The following LRRC4C variants were observed in gnomAD, a reference collection of about 807,000 sequenced individuals.
LRRC4C encodes leucine-rich repeat-containing protein 4C.
A neutral mutation model predicts 33.6 loss-of-function variants in LRRC4C; 5 were observed. That is an observed-to-expected ratio of 0.15 (90% CI 0.08 to 0.31). The LOEUF is 0.31. Among genes scored for constraint, LRRC4C ranks in the 10% least tolerant of loss-of-function variants. The pLI, the probability that LRRC4C is intolerant of heterozygous loss-of-function variation, is 1.00. For synonymous variants in LRRC4C, 329 were observed against 302.0 expected, an observed-to-expected ratio of 1.09 and a Z score of -0.93; for missense variants, 560 against 796.7, an observed-to-expected ratio of 0.70 and a Z score of 3.58.
intron 5 of LRRC4C, among the ~76,000 whole-genome samples, chr11:40,232,715 A>T (rs554838648): frequency 6.6e-6 from 1 of 152,342 alleles, no homozygotes; most frequent in South Asian, 2.1e-4. Flanking sequence ...AAAATTTTCC[A>T]AGTTCATGAA....
intron 1 of LRRC4C, among the ~76,000 whole-genome samples, chr11:41,431,375 G>A (rs1217902753): frequency 6.6e-6 from 1 of 151,836 alleles, no homozygotes; most frequent in Non-Finnish European, 1.5e-5. Context: ...AAGAGATGGA[G>A]AAAGAGATCT....
At chr11:41,022,142 T>TATATATATA (rs1565309607) in intron 1 of LRRC4C, among the ~76,000 whole-genome samples, 3 of 139,080 alleles carry the variant, frequency 2.2e-5, no homozygotes, top group African/African-American at 8.2e-5. Flanking sequence ...CAATTTTGTT[T>TATATATATA]TATATATATA....
chr11:41,004,448 G>A (rs1854593190), intron 1 of LRRC4C, among the ~76,000 whole-genome samples: 1 of 152,096 alleles, frequency 6.6e-6, no homozygotes, highest in African/African-American at 2.4e-5. Flanking sequence ...ATGAGAAAGG[G>A]TTAAAATTTC....
chr11:41,459,460 G>A lies in LRRC4C; in HGVS notation c.-525C>T, dbSNP rs1368102418. 1 of 151,926 alleles carries A rather than the reference G, an allele frequency of 6.6e-6. No individual in the cohort carries two copies. Among genetic ancestry groups the A allele is most frequent in the Non-Finnish European group, 1.5e-5 (1 of 68,000 alleles). The allele number at this position is 151,926 out of a possible 1,614,324, so 9.4% of individuals were successfully genotyped here. The stretch of plus-strand genomic sequence containing the variant: ...TTTATGGATCCTCAAAGTTCACCAA[G>A]GAAAATTTACAATCCTCTAGCTTGC... On this transcript the variant is annotated 5_prime_UTR_variant, in exon 1 of 7. Transcript: ENST00000528697.
chr11:40,139,189 A>G (rs553408300), intron 6 of LRRC4C, among the ~76,000 whole-genome samples: 32 of 151,612 alleles, frequency 2.1e-4, no homozygotes, highest in African/African-American at 7.8e-4. Context: ...ACACATACAC[A>G]GAGTGCTAGA....
intron 4 of LRRC4C, among the ~76,000 whole-genome samples, chr11:40,313,087 C>T (rs760929080): frequency 1.3e-5 from 2 of 152,134 alleles, no homozygotes; most frequent in Non-Finnish European, 2.9e-5. Context: ...TCACCATCCT[C>T]AAAGTCTCTT....
chr11:40,746,739 C>G (rs544002634), intron 2 of LRRC4C, among the ~76,000 whole-genome samples: 77 of 152,232 alleles, frequency 5.1e-4, no homozygotes, highest in African/African-American at 1.7e-3. Flanking sequence ...ACCATGGTCC[C>G]CTGAGCACTC....
At chr11:40,846,008 C>A (rs911967092) in intron 2 of LRRC4C, among the ~76,000 whole-genome samples, 1 of 131,272 alleles carries the variant, frequency 7.6e-6, no homozygotes, top group Non-Finnish European at 1.6e-5. Flanking sequence ...GATCCTTCAC[C>A]CACTTTCTGA....
chr11:40,828,805 T>C (rs1952280101), intron 2 of LRRC4C, among the ~76,000 whole-genome samples: 1 of 151,882 alleles, frequency 6.6e-6, no homozygotes, highest in Non-Finnish European at 1.5e-5. Context: ...GAAATGTTAT[T>C]AAGTATCTTA....
intron 3 of LRRC4C, among the ~76,000 whole-genome samples, chr11:40,396,285 T>C (rs1238513753): frequency 6.6e-6 from 1 of 152,166 alleles, no homozygotes; most frequent in African/African-American, 2.4e-5. Flanking sequence ...ACCTTGGTTT[T>C]AAAATATCTG....
intron 2 of LRRC4C, among the ~76,000 whole-genome samples, chr11:40,906,925 T>C (rs1041038813): frequency 3.3e-5 from 5 of 152,208 alleles, no homozygotes; most frequent in South Asian, 2.1e-4. Context: ...CTTATAATTA[T>C]ACAAGGCAGA....
intron 2 of LRRC4C, among the ~76,000 whole-genome samples, chr11:40,691,052 T>C (rs762747055): frequency 1.3e-5 from 2 of 152,078 alleles, no homozygotes; most frequent in Admixed American, 6.6e-5. Context: ...ACTTCAGCCA[T>C]GCAGGTCCCC....
intron 2 of LRRC4C, among the ~76,000 whole-genome samples, chr11:40,663,103 C>T (rs113186481): frequency 0.021 from 3,151 of 152,124 alleles, 84 homozygotes; most frequent in African/African-American, 0.071. Context: ...ATTTTTGAGA[C>T]GGAGTCTCAC....
rs1379079389 is a variant in LRRC4C at position 41,200,303 on chromosome 11, A to G, written c.-496+259128T>C. On this transcript the variant is annotated intron_variant, in intron 1 of 6. Transcript: ENST00000528697. ...ACATAAATTATTCTGAAATGGGTTT[A>G]AATCAGAAAATGCTGTGGAAGTAAA... 2.0e-5 allele frequency among the ~76,000 whole-genome samples: 3 copies of G among 152,152 alleles called. No individual in the cohort carries two copies. The East Asian group carries it at 5.8e-4, about 29-fold the overall frequency.
intron 1 of LRRC4C, among the ~76,000 whole-genome samples, chr11:41,043,768 A>G (rs1182219438): frequency 6.6e-6 from 1 of 152,178 alleles, no homozygotes; most frequent in Non-Finnish European, 1.5e-5. Context: ...TTTAAAAGGC[A>G]AAACCATATA....
chr11:40,571,391 G>C (rs572838298), intron 3 of LRRC4C, among the ~76,000 whole-genome samples: 1 of 152,018 alleles, frequency 6.6e-6, no homozygotes, highest in African/African-American at 2.4e-5. Context: ...TGTTTACAGA[G>C]AATTTTTATG....
intron 3 of LRRC4C, among the ~76,000 whole-genome samples, chr11:40,474,402 C>T (rs756011333): frequency 7.9e-5 from 12 of 152,072 alleles, no homozygotes; most frequent in Non-Finnish European, 1.6e-4. Flanking sequence ...AAGCTGGACC[C>T]CTTCCCCACA....
chr11:40,145,776 C>A (rs1489376243), intron 5 of LRRC4C, among the ~76,000 whole-genome samples: 2 of 152,102 alleles, frequency 1.3e-5, no homozygotes, highest in African/African-American at 2.4e-5. Flanking sequence ...AAATTAACCA[C>A]TTTATTATTT....
intron 1 of LRRC4C, among the ~76,000 whole-genome samples, chr11:41,155,840 A>G (rs909457419): frequency 1.3e-5 from 2 of 152,102 alleles, no homozygotes; most frequent in Non-Finnish European, 2.9e-5. Flanking sequence ...TAAACATTTT[A>G]TAGCTTTCAA....
Sources: gnomAD v4.1 joint callset for allele counts (sites outside exome capture counted in the v4.1 genomes callset) on GRCh38, gnomAD v4.1.1 for gene constraint, MANE v1.5 for transcripts, NCBI Gene and HGNC (gene_info 2026-07-23, HGNC 2026-07-21) for gene names.